Variants in BCL2L1 observed in about 807,000 individuals in gnomAD.
BCL2L1 encodes the protein bcl-2-like protein 1.
A neutral mutation model predicts 18.7 loss-of-function variants in BCL2L1; 1 was observed. That is an observed-to-expected ratio of 0.05 (90% CI 0.02 to 0.25). BCL2L1 has a LOEUF of 0.25. BCL2L1 is among the 10% of genes least tolerant of loss of function. The probability of loss-of-function intolerance (pLI) is 1.00; values close to 1 mark genes in which losing one functional copy is unlikely to be tolerated. For missense variants in BCL2L1, 207 were observed against 304.9 expected (o/e 0.68, Z 2.39); for synonymous variants, 103 against 122.7 (o/e 0.84, Z 1.06).
intron 2 of BCL2L1, among the ~76,000 whole-genome samples, chr20:31,707,228 A>T (rs149850133): frequency 6.6e-6 from 1 of 152,312 alleles, no homozygotes; most frequent in African/African-American, 2.4e-5. Context: ...TTGTGAGCCA[A>T]GGCCCCAAGC....
At chr20:31,682,793 A>C (rs2060886721) in intron 2 of BCL2L1, among the ~76,000 whole-genome samples, 2 of 152,046 alleles carry the variant, frequency 1.3e-5, no homozygotes, top group African/African-American at 2.4e-5. Flanking sequence ...ACTTTTTATA[A>C]ATTTAAATAC....
intron 2 of BCL2L1, among the ~76,000 whole-genome samples, chr20:31,697,543 T>C (rs1426718553): frequency 6.6e-6 from 1 of 151,850 alleles, no homozygotes; most frequent in African/African-American, 2.4e-5. Flanking sequence ...GTTCATGCCA[T>C]TCTCCTGCCT....
rs908334230 is a variant in BCL2L1, at chr20:31,707,660, C to G, written c.564+13995G>C. Among the ~76,000 whole-genome samples, 6 of 152,054 alleles carry G rather than the reference C, an allele frequency of 3.9e-5. No homozygotes were observed. The East Asian group carries it at 1.2e-3, about 29-fold the overall frequency. ...GGGCGTGGTGGCGCATGCCTGTAAT[C>G]CCAGCTACTCGGGAGGCTGAGGCAG... On this transcript the variant is annotated intron_variant, in intron 2 of 2. Coordinates refer to ENST00000307677, the MANE Select transcript of BCL2L1 (RefSeq NM_138578.3).
At chr20:31,700,713 C>T (rs1002044215) in intron 2 of BCL2L1, among the ~76,000 whole-genome samples, 1 of 152,168 alleles carries the variant, frequency 6.6e-6, no homozygotes, top group African/African-American at 2.4e-5. Flanking sequence ...CCTCATTTGG[C>T]ATTTAGCATT....
At chr20:31,699,461 G>A (rs1408441799) in intron 2 of BCL2L1, among the ~76,000 whole-genome samples, 1 of 152,226 alleles carries the variant, frequency 6.6e-6, no homozygotes, top group Admixed American at 6.5e-5. Flanking sequence ...TCTGGCAAAG[G>A]CCTACAGTAA....
At chr20:31,723,436 C>A, upstream of BCL2L1, 1 of 985,414 alleles carries the variant, frequency 1.0e-6, no homozygotes, top group Non-Finnish European at 1.2e-6. Context: ...GGCTTTCTGG[C>A]GCCCCCGGGA....
chr20:31,714,263 CTG>C (rs1042038096), intron 2 of BCL2L1, among the ~76,000 whole-genome samples: 1 of 152,170 alleles, frequency 6.6e-6, no homozygotes, highest in African/African-American at 2.4e-5. Flanking sequence ...TAAAGGGAAA[CTG>C]GGGACTGGGG....
intron 2 of BCL2L1, among the ~76,000 whole-genome samples, chr20:31,695,629 C>A (rs944674511): frequency 2.0e-5 from 3 of 152,200 alleles, no homozygotes; most frequent in Non-Finnish European, 2.9e-5. Context: ...CACCACTATG[C>A]CCAACTAAAC....
At chr20:31,709,064 G>T (rs2061412594) in intron 2 of BCL2L1, among the ~76,000 whole-genome samples, 1 of 152,146 alleles carries the variant, frequency 6.6e-6, no homozygotes, top group South Asian at 2.1e-4. Context: ...CTTTTTCTTA[G>T]GGGTTACTGA....
intron 2 of BCL2L1, among the ~76,000 whole-genome samples, chr20:31,671,992 T>A (rs1457809065): frequency 6.8e-6 from 1 of 147,470 alleles, no homozygotes; most frequent in African/African-American, 2.5e-5. Flanking sequence ...GCTGAGGTAT[T>A]CAAATTTCAT....
At chr20:31,679,640 C>T (rs2060824092) in intron 2 of BCL2L1, among the ~76,000 whole-genome samples, 1 of 152,212 alleles carries the variant, frequency 6.6e-6, no homozygotes, top group South Asian at 2.1e-4. Flanking sequence ...ATGTTAGCTG[C>T]TGCTGCTGCT....
At chr20:31,723,782 C>T (rs1241334461), upstream of BCL2L1, 25 of 985,462 alleles carry the variant, frequency 2.5e-5, no homozygotes, top group South Asian at 9.4e-5. Flanking sequence ...TTCATCGGCC[C>T]GGTAGCTTCC....
Position 31,722,163 on chromosome 20 carries a change from T to C in BCL2L1, c.56A>G (p.Gln19Arg). ...VVDFLSYKLS[Q>R]KGYSWSQFSD... ...AAACTGACTCCAGCTGTATCCTTTC[T>C]GGGAAAGCTTGTAGGAGAGAAAGTC... Residue 19 changes from glutamine to arginine, a missense_variant, in exon 2 of 3, where the codon CAG becomes CGG. Gln to Arg is a conservative substitution (Grantham distance 43, BLOSUM62 1). Coordinates refer to ENST00000307677, the MANE Select transcript of BCL2L1 (RefSeq NM_138578.3). 3 of 1,504,144 alleles carry C rather than the reference T, an allele frequency of 2.0e-6. No homozygotes were observed. The highest frequency in any genetic ancestry group is 2.6e-6 in the Non-Finnish European group (3 of 1,133,192). The allele number at this position is 1,504,144 out of a possible 1,614,324, so 93.2% of individuals were successfully genotyped here. A position where few individuals can be genotyped will look rare whatever the true frequency, so the allele number is the denominator to read the frequency against.
chr20:31,694,158 G>T (rs765768345), intron 2 of BCL2L1, among the ~76,000 whole-genome samples: 12 of 152,152 alleles, frequency 7.9e-5, no homozygotes, highest in Middle Eastern at 3.2e-3. Flanking sequence ...GCACCTGTAG[G>T]GGGGGCTTCT....
At chr20:31,667,989 G>A (rs2060612234) in intron 2 of BCL2L1, among the ~76,000 whole-genome samples, 1 of 152,066 alleles carries the variant, frequency 6.6e-6, no homozygotes, top group Admixed American at 6.6e-5. Context: ...CTGAAATAAA[G>A]TCCCCACTCC....
intron 2 of BCL2L1, among the ~76,000 whole-genome samples, chr20:31,670,699 G>A (rs879311927): frequency 3.3e-5 from 5 of 152,208 alleles, no homozygotes; most frequent in Non-Finnish European, 7.3e-5. Context: ...AAGGGGAGTA[G>A]TATTTCCAAG....
intron 2 of BCL2L1, among the ~76,000 whole-genome samples, chr20:31,708,265 G>A (rs1420299357): frequency 6.6e-6 from 1 of 152,184 alleles, no homozygotes; most frequent in African/African-American, 2.4e-5. Context: ...TTTTCTCCCT[G>A]GGGTTGGGGG....
At chr20:31,711,128 G>C (rs1600910339) in intron 2 of BCL2L1, among the ~76,000 whole-genome samples, 2 of 152,096 alleles carry the variant, frequency 1.3e-5, no homozygotes, top group East Asian at 3.9e-4. Flanking sequence ...TATATTGAGG[G>C]GATAAACACA....
chr20:31,713,487 A>G, intron 2 of BCL2L1: 1 of 985,356 alleles, frequency 1.0e-6, no homozygotes, highest in Non-Finnish European at 1.2e-6. Context: ...AGTCATCGCA[A>G]TGGCATTTCC....
Sources: gnomAD v4.1 joint callset for allele counts (sites outside exome capture counted in the v4.1 genomes callset) on GRCh38, gnomAD v4.1.1 for gene constraint, MANE v1.5 for transcripts, NCBI Gene and HGNC (gene_info 2026-07-23, HGNC 2026-07-21) for gene names.